LMNTD1: variants seen among roughly 807,000 people sequenced by gnomAD.
LMNTD1 encodes lamin tail domain containing 1, also known as lamin tail domain-containing protein 1.
In LMNTD1, 35 loss-of-function variants were observed where a neutral mutation model predicts 50.9. The observed-to-expected ratio is 0.69, with a 90% CI of 0.53 to 0.91. The LOEUF is 0.91. Ranked by LOEUF, LMNTD1 falls within the 40% of genes least tolerant of loss-of-function variation. The pLI is 0.00. For missense variants in LMNTD1, 470 were observed against 475.5 expected, an observed-to-expected ratio of 0.99 and a Z score of 0.11; for synonymous variants, 153 against 161.9, an observed-to-expected ratio of 0.94 and a Z score of 0.42.
chr12:25,534,577 T>C (rs1942444590), intron 4 of LMNTD1, among the ~76,000 whole-genome samples: 1 of 152,196 alleles, frequency 6.6e-6, no homozygotes, highest in Admixed American at 6.5e-5. Context: ...AAAAGAGCGC[T>C]GGCGATTTTC....
At chr12:25,578,327 G>T (rs1945122264) in intron 1 of LMNTD1, among the ~76,000 whole-genome samples, 1 of 152,198 alleles carries the variant, frequency 6.6e-6, no homozygotes, top group South Asian at 2.1e-4. Context: ...TACTGGGTAA[G>T]TAGAGCTAGT....
chr12:25,635,395 A>G (rs1015550477), intron 1 of LMNTD1, among the ~76,000 whole-genome samples: 5 of 152,194 alleles, frequency 3.3e-5, no homozygotes, highest in Non-Finnish European at 7.4e-5. Context: ...AAAAGCTGCA[A>G]TAAAATAAAA....
intron 1 of LMNTD1, among the ~76,000 whole-genome samples, chr12:25,640,392 C>A (rs541379384): frequency 6.6e-6 from 1 of 151,750 alleles, no homozygotes; most frequent in Non-Finnish European, 1.5e-5. Flanking sequence ...ATAGGCCTAA[C>A]CTACTCAAGA....
intron 6 of LMNTD1, among the ~76,000 whole-genome samples, chr12:25,521,990 A>T (rs1401028017): frequency 1.3e-5 from 2 of 152,204 alleles, no homozygotes; most frequent in Non-Finnish European, 2.9e-5. Flanking sequence ...GTGCCCTAAC[A>T]TTCTACTTGT....
At chr12:25,637,780 C>T (rs531163116) in intron 1 of LMNTD1, among the ~76,000 whole-genome samples, 1 of 151,630 alleles carries the variant, frequency 6.6e-6, no homozygotes, top group Non-Finnish European at 1.5e-5. Flanking sequence ...TGAATATACC[C>T]TTTTTTTTCC....
intron 1 of LMNTD1, among the ~76,000 whole-genome samples, chr12:25,622,476 C>T (rs374742486): frequency 0.014 from 1,950 of 141,570 alleles, 87 homozygotes; most frequent in African/African-American, 0.047. Flanking sequence ...CGCCCCCCCC[C>T]GCAAAATAAT....
In LMNTD1 at chr12:25,622,297, C is replaced by G. The variant is rs141833605; in HGVS notation, c.58+26197G>C. Among the ~76,000 whole-genome samples, 633 of 152,214 alleles carry G rather than the reference C, an allele frequency of 4.2e-3. 1 individual carries two copies. The highest frequency in any genetic ancestry group is 0.014 in the African/African-American group (592 of 41,518). ...TCAGGGGCCTGAAAATCCAAACACC[C>G]TCAGGGTACAGCAAACAGCTAACTT... On this transcript the variant is annotated intron_variant, in intron 1 of 7. Transcript: ENST00000445693.
intron 2 of LMNTD1, 39 bp from the exon 3 acceptor site, chr12:25,549,585 A>C: frequency 1.7e-6 from 2 of 1,187,490 alleles, no homozygotes; most frequent in Non-Finnish European, 1.2e-6. Flanking sequence ...ATAAATAAGA[A>C]AGTAAAAGTG....
intron 1 of LMNTD1, among the ~76,000 whole-genome samples, chr12:25,629,600 G>A (rs184011269): frequency 1.3e-5 from 2 of 152,254 alleles, no homozygotes; most frequent in East Asian, 3.9e-4. Context: ...TGGGGATTAG[G>A]CAGACTGTAA....
In LMNTD1 at chr12:25,538,747, C is replaced by A. The variant is rs1385334782; in HGVS notation, c.491+7627G>T. On this transcript the variant is annotated intron_variant, in intron 4 of 9. Transcript: ENST00000458174. ...ACTATTAACTTTAAATGTAAATGGA[C>A]TAAATGCCCCAATTAAAAGACACAG... Among the ~76,000 whole-genome samples, 570 of 100,548 alleles carry A rather than the reference C, an allele frequency of 5.7e-3. 6 individuals are homozygous for A. Among genetic ancestry groups the A allele is most frequent in the African/African-American group, 0.012 (353 of 29,730 alleles). The allele number at this position is 100,548 out of a possible 152,430, so 66.0% of individuals were successfully genotyped here.
chr12:25,488,705 C>T (rs888066836), intron 9 of LMNTD1, among the ~76,000 whole-genome samples: 2 of 152,198 alleles, frequency 1.3e-5, no homozygotes, highest in African/African-American at 4.8e-5. Flanking sequence ...GGAGGAGAGG[C>T]ACTCTGCGTT....
At chr12:25,542,015 C>T (rs1591966652) in intron 4 of LMNTD1, among the ~76,000 whole-genome samples, 1 of 151,976 alleles carries the variant, frequency 6.6e-6, no homozygotes, top group East Asian at 1.9e-4. Flanking sequence ...ATCAAAACCA[C>T]AATGAGATAC....
At chr12:25,508,386 A>G (rs1482613215) in intron 8 of LMNTD1, among the ~76,000 whole-genome samples, 1 of 152,162 alleles carries the variant, frequency 6.6e-6, no homozygotes, top group African/African-American at 2.4e-5. Flanking sequence ...TTCAATACAC[A>G]TTCCTTTTTG....
intron 1 of LMNTD1, among the ~76,000 whole-genome samples, chr12:25,577,759 G>A (rs1592058061): frequency 6.6e-6 from 1 of 152,130 alleles, no homozygotes; most frequent in Non-Finnish European, 1.5e-5. Flanking sequence ...CTTGTCTTGT[G>A]CCAGTTTTCA....
At chr12:25,488,119 G>C (rs1938728432) in intron 9 of LMNTD1, among the ~76,000 whole-genome samples, 1 of 147,188 alleles carries the variant, frequency 6.8e-6, no homozygotes, top group African/African-American at 2.5e-5. Flanking sequence ...TCTTGGAGTT[G>C]CTCTTCTCGA....
intron 1 of LMNTD1, among the ~76,000 whole-genome samples, chr12:25,621,193 A>G (rs1946467068): frequency 6.6e-6 from 1 of 152,230 alleles, no homozygotes. Flanking sequence ...CGCATCTATT[A>G]ACATGTTAAT....
At chr12:25,579,634 T>C (rs1052799392) in intron 1 of LMNTD1, among the ~76,000 whole-genome samples, 1 of 152,176 alleles carries the variant, frequency 6.6e-6, no homozygotes, top group African/African-American at 2.4e-5. Context: ...ATTATCTTGC[T>C]CAATTTCCAA....
At chr12:25,529,919 A>G (rs1942102696) in intron 4 of LMNTD1, among the ~76,000 whole-genome samples, 1 of 152,176 alleles carries the variant, frequency 6.6e-6, no homozygotes, top group Non-Finnish European at 1.5e-5. Context: ...AATTCCTTGC[A>G]AGAGCATGAT....
At chr12:25,555,614 A>G (rs1944007963), upstream of LMNTD1, among the ~76,000 whole-genome samples, 1 of 152,312 alleles carries the variant, frequency 6.6e-6, no homozygotes, top group Non-Finnish European at 1.5e-5. Flanking sequence ...AAGGGTTCTT[A>G]TCTTTTAGTG....
Sources: allele counts gnomAD v4.1 joint callset (sites outside exome capture counted in the v4.1 genomes callset), GRCh38; gene constraint gnomAD v4.1.1; transcripts MANE v1.5; gene names NCBI Gene and HGNC (gene_info 2026-07-23, HGNC 2026-07-21).